The following DYSF variants were observed in gnomAD, a reference collection of about 807,000 sequenced individuals.
DYSF encodes dystrophy-associated fer-1-like 1.
In DYSF, 212 loss-of-function variants were observed where a neutral mutation model predicts 274.9. The ratio of observed to expected loss-of-function variants is 0.77; its 90% CI spans 0.69 to 0.86. The LOEUF (loss-of-function observed/expected upper bound fraction) is 0.86, where lower values mean the gene tolerates loss of function less well. Ranked by LOEUF, DYSF falls within the 40% of genes least tolerant of loss-of-function variation. The probability of loss-of-function intolerance (pLI) is 0.00; values close to 1 mark genes in which losing one functional copy is unlikely to be tolerated. For missense variants in DYSF, 2,666 were observed against 2,783.2 expected (o/e 0.96, Z 0.95); for synonymous variants, 1,091 against 1,078.7 (o/e 1.01, Z -0.22).
rs115338425 is a variant in DYSF, at chr2:71,671,916, G to C, written c.5784+2170G>C. Among the ~76,000 whole-genome samples the C allele has an allele frequency of 9.7e-4, 147 of 152,274 alleles. 1 individual carries two copies. The highest frequency in any genetic ancestry group is 8.1e-3 in the South Asian group (39 of 4,822). On this transcript the variant is annotated intron_variant, in intron 51 of 55. Coordinates refer to ENST00000410020, the MANE Select transcript of DYSF (RefSeq NM_001130987.2). ...AGGATATGGAAGGGACTGCCTGATG[G>C]CCAAGAGGGTCTTGGTCAGACTTGG...
At chr2:71,567,814 G>C in intron 24 of DYSF, 137 bp from the exon 25 acceptor site, 1 of 1,281,698 alleles carries the variant, frequency 7.8e-7, no homozygotes, top group Non-Finnish European at 1.1e-6. Flanking sequence ...TCTGGTAAGC[G>C]CTCCCACAGG....
Position 71,589,583 on chromosome 2 carries a change from G to T in DYSF, c.3403-10G>T, listed in dbSNP as rs116733194. On this transcript the variant is annotated splice_polypyrimidine_tract_variant and intron_variant, in intron 30 of 55. Coordinates refer to ENST00000410020, the MANE Select transcript of DYSF (RefSeq NM_001130987.2). ...GGCAGAATCTGCCATAACCAGCTTC[G>T]TGTCTCCAGGGCGGCGTGATGGATG... 6.2e-7 allele frequency: 1 copy of T among 1,613,648 alleles called. No individual in the cohort carries two copies. The highest frequency in any genetic ancestry group is 1.3e-5 in the African/African-American group (1 of 75,002).
chr2:71,593,832 C>G (rs767706800), intron 32 of DYSF, among the ~76,000 whole-genome samples: 2 of 152,198 alleles, frequency 1.3e-5, no homozygotes, highest in Non-Finnish European at 2.9e-5. Flanking sequence ...AGGGATGACC[C>G]TCAGCTTAGG....
At chr2:71,601,282 G>A in intron 34 of DYSF, 5 of 657,632 alleles carry the variant, frequency 7.6e-6, no homozygotes, top group Non-Finnish European at 1.3e-5. Flanking sequence ...AGTATGATGT[G>A]AACCCGAATA....
chr2:71,634,830 G>T (rs1286320736), intron 41 of DYSF, among the ~76,000 whole-genome samples: 1 of 152,110 alleles, frequency 6.6e-6, no homozygotes, highest in African/African-American at 2.4e-5. Flanking sequence ...GACATTTAGA[G>T]ACCCACTGAT....
At chr2:71,571,972 G>A (rs62651674) in intron 29 of DYSF, among the ~76,000 whole-genome samples, 4 of 118,120 alleles carry the variant, frequency 3.4e-5, no homozygotes, top group Non-Finnish European at 6.7e-5. Flanking sequence ...AGATCACACC[G>A]AGCATGGATC....
rs1182440042 is a variant in DYSF, at chr2:71,511,869, C to T, written c.408C>T (p.Pro136=). 5 of 1,551,590 alleles carry T rather than the reference C, an allele frequency of 3.2e-6. No individual in the cohort carries two copies. The highest frequency in any genetic ancestry group is 3.5e-6 in the Non-Finnish European group (4 of 1,146,994). ...PLPGAVPLFP[P]PTPLEPSPTL... is the part of the protein sequence containing the mutation. Reference sequence around the variant, plus strand: ...CTGGAGCTGTGCCCCTGTTCCCGCCCCCTACTCCTCTGGAGCCCTCCCCGA... The same window carrying T: ...CTGGAGCTGTGCCCCTGTTCCCGCCTCCTACTCCTCTGGAGCCCTCCCCGA... Residue 136 remains proline (P), a synonymous_variant, in exon 5 of 56, where the codon CCC becomes CCT. Transcript: ENST00000410020.
Position 71,570,215 on chromosome 2 carries a change from G to C in DYSF, c.2980-14G>C. ...GTCTCCTCTCATTGCTTGCCTGTTC[G>C]GTTTTGTCCTTAGAACGGGGAGAAG... On this transcript the variant is annotated splice_polypyrimidine_tract_variant and intron_variant, in intron 27 of 55. Transcript: ENST00000410020. The C allele has an allele frequency of 6.2e-7, 1 of 1,611,840 alleles. No individual in the cohort carries two copies. The highest frequency in any genetic ancestry group is 8.5e-7 in the Non-Finnish European group (1 of 1,177,942).
At chr2:71,557,186 G>A (rs772462220) in intron 22 of DYSF, among the ~76,000 whole-genome samples, 1 of 152,228 alleles carries the variant, frequency 6.6e-6, no homozygotes. Flanking sequence ...CGAAAAATGG[G>A]CAGAGGAGGT....
chr2:71,659,918 T>G, intron 44 of DYSF, among the ~76,000 whole-genome samples: 1 of 152,250 alleles, frequency 6.6e-6, no homozygotes, highest in Non-Finnish European at 1.5e-5. Flanking sequence ...CATGTGTCCT[T>G]CAGGTGGTGG....
chr2:71,669,505 C>G (rs538104340), intron 50 of DYSF, 100 bp from the exon 51 acceptor site: 73 of 1,449,242 alleles, frequency 5.0e-5, no homozygotes, highest in South Asian at 3.4e-4. Context: ...TTGCGATAAG[C>G]TCATTTACCT....
intron 41 of DYSF, among the ~76,000 whole-genome samples, chr2:71,627,792 T>C (rs937810219): frequency 2.2e-4 from 33 of 152,170 alleles, no homozygotes; most frequent in Admixed American, 1.4e-3. Context: ...TCCTGGAGAA[T>C]TGAATCTTTT....
chr2:71,565,246 C>CTTTT (rs796705736), intron 24 of DYSF, among the ~76,000 whole-genome samples: 11 of 131,340 alleles, frequency 8.4e-5, no homozygotes, highest in South Asian at 4.9e-4. Flanking sequence ...CCACCCAGCT[C>CTTTT]TTTTTTTTTT....
chr2:71,613,442 T>C (rs2093813534), intron 40 of DYSF, 32 bp downstream of exon 40: 2 of 1,578,600 alleles, frequency 1.3e-6, no homozygotes, highest in Admixed American at 1.7e-5. Flanking sequence ...GAGGCCTGGG[T>C]CACCTTTCCC....
intron 55 of DYSF, among the ~76,000 whole-genome samples, chr2:71,684,339 G>A (rs1003477894): frequency 3.3e-5 from 5 of 152,218 alleles, no homozygotes; most frequent in Non-Finnish European, 7.3e-5. Flanking sequence ...ACTTCTGCCT[G>A]GTGTCTCCTG....
intron 17 of DYSF, chr2:71,549,469 C>T: frequency 6.9e-7 from 1 of 1,445,294 alleles, no homozygotes; most frequent in Non-Finnish European, 9.6e-7. Flanking sequence ...GTGCTGGAGG[C>T]ATGGGGTTTT....
intron 41 of DYSF, among the ~76,000 whole-genome samples, chr2:71,621,655 T>C (rs1035447618): frequency 2.0e-5 from 3 of 150,924 alleles, no homozygotes; most frequent in Non-Finnish European, 4.4e-5. Context: ...ATGTATGTTA[T>C]GTATATTATA....
chr2:71,516,276 C>T (rs1372685585), intron 9 of DYSF, 34 bp downstream of exon 9: 1 of 1,602,094 alleles, frequency 6.2e-7, no homozygotes. Flanking sequence ...TCTCCGTGGG[C>T]TGTATGTATG....
chr2:71,638,411 G>A (rs1477446776), intron 41 of DYSF, among the ~76,000 whole-genome samples: 1 of 149,042 alleles, frequency 6.7e-6, no homozygotes, highest in African/African-American at 2.5e-5. Flanking sequence ...CACAATAACT[G>A]TCAAATTTAT....
Sources: allele counts gnomAD v4.1 joint callset (sites outside exome capture counted in the v4.1 genomes callset), GRCh38; gene constraint gnomAD v4.1.1; transcripts MANE v1.5; gene names NCBI Gene and HGNC (gene_info 2026-07-23, HGNC 2026-07-21).